The following TRPM3 variants were observed in gnomAD, a reference collection of about 807,000 sequenced individuals.
TRPM3 encodes the protein long transient receptor potential channel 3.
Under a neutral mutation model 181.2 loss-of-function variants are expected in TRPM3, and 77 were observed. The ratio of observed to expected loss-of-function variants is 0.42; its 90% CI spans 0.35 to 0.51. The LOEUF is 0.51. Ranked by LOEUF, TRPM3 falls within the 20% of genes least tolerant of loss-of-function variation. The pLI is 0.01. For synonymous variants in TRPM3, 745 were observed against 796.4 expected, an observed-to-expected ratio of 0.94 and a Z score of 1.09; for missense variants, 1,759 against 2,196.7, an observed-to-expected ratio of 0.80 and a Z score of 3.98.
intron 1 of TRPM3, among the ~76,000 whole-genome samples, chr9:71,384,132 T>C (rs895000985): frequency 1.3e-5 from 2 of 152,240 alleles, no homozygotes; most frequent in Non-Finnish European, 2.9e-5. Flanking sequence ...GATGTTCATA[T>C]ACATCAGAAA....
Position 70,790,667 on chromosome 9 carries a change from G to A in TRPM3, c.974-6388C>T, listed in dbSNP as rs142791072. Among the ~76,000 whole-genome samples, 32 of 152,276 alleles carry A rather than the reference G, an allele frequency of 2.1e-4. No homozygotes were observed. In the East Asian group the frequency reaches 4.2e-3, roughly 20 times the overall value. ...CTCTTTACAAATAGTTTCAGAATTC[G>A]ATTCTTGATATCTTTAACTAATGCA... is the stretch of plus-strand genomic sequence containing the variant. On this transcript the variant is annotated intron_variant, in intron 6 of 25. Coordinates refer to ENST00000677713, the MANE Select transcript of TRPM3 (RefSeq NM_001366145.2).
intron 7 of TRPM3, among the ~76,000 whole-genome samples, chr9:70,781,681 C>T (rs2130805529): frequency 6.6e-6 from 1 of 152,162 alleles, no homozygotes; most frequent in African/African-American, 2.4e-5. Context: ...GGCCTGGGAT[C>T]TTGGGCTGTG....
At chr9:71,303,617 C>T (rs1042954981) in intron 1 of TRPM3, among the ~76,000 whole-genome samples, 4 of 152,066 alleles carry the variant, frequency 2.6e-5, no homozygotes, top group Non-Finnish European at 5.9e-5. Flanking sequence ...ATATAAGCTC[C>T]CTGAGGGACA....
intron 8 of TRPM3, among the ~76,000 whole-genome samples, chr9:70,740,859 TTCTAGGA>T (rs2073918379): frequency 1.3e-5 from 2 of 152,164 alleles, no homozygotes; most frequent in African/African-American, 4.8e-5. Context: ...ACCACAACAG[TTCTAGGA>T]GATAACATCG....
chr9:70,628,818 TAAAAAA>T (rs10699305), intron 12 of TRPM3, among the ~76,000 whole-genome samples: 5 of 89,546 alleles, frequency 5.6e-5, no homozygotes, highest in East Asian at 4.6e-4. Context: ...GACTCTGTCT[TAAAAAA>T]AAAAAAAAAA....
intron 23 of TRPM3, 26 bp from the exon 24 acceptor site, chr9:70,553,069 A>G: frequency 6.2e-7 from 1 of 1,613,932 alleles, no homozygotes. Context: ...AAGAGAATCA[A>G]GTGAGAAAAA....
chr9:71,368,017 T>TACACACACACATATGAGTATGTGTAC (rs1389391953), intron 1 of TRPM3, among the ~76,000 whole-genome samples: 66 of 151,932 alleles, frequency 4.3e-4, no homozygotes, highest in African/African-American at 1.6e-3. Context: ...AGTGTATGTG[T>TACACACACACATATGAGTATGTGTAC]ACACACACAC....
intron 12 of TRPM3, among the ~76,000 whole-genome samples, chr9:70,634,536 T>C (rs1314111234): frequency 6.6e-6 from 1 of 152,184 alleles, no homozygotes; most frequent in African/African-American, 2.4e-5. Context: ...CTATTATTAT[T>C]TTATCATTAT....
chr9:70,772,863 A>G (rs981614316), intron 7 of TRPM3, among the ~76,000 whole-genome samples: 3 of 152,342 alleles, frequency 2.0e-5, no homozygotes, highest in East Asian at 3.9e-4. Context: ...TCTGCTGCCA[A>G]CATTGGAAGG....
intron 1 of TRPM3, among the ~76,000 whole-genome samples, chr9:71,340,417 G>A (rs748130222): frequency 1.3e-5 from 2 of 152,070 alleles, no homozygotes; most frequent in Non-Finnish European, 2.9e-5. Context: ...TTGTGGGAGG[G>A]ACACAGTGGA....
rs563786147 is a variant in TRPM3, at chr9:71,261,902, G to A, written c.183+184751C>T. Among the ~76,000 whole-genome samples the A allele has an allele frequency of 2.0e-5, 3 of 152,302 alleles. No homozygotes were observed. The South Asian group carries it at 6.2e-4, about 32-fold the overall frequency. ...CTTCATCCCAGAGGGGCACCTGCCA[G>A]ATGCCAGTGGGAGCTCTCATGTATG... On this transcript the variant is annotated intron_variant, in intron 1 of 24. Coordinates refer to the TRPM3 transcript ENST00000357533.
At chr9:70,605,303 C>A (rs2060849501) in intron 19 of TRPM3, among the ~76,000 whole-genome samples, 1 of 152,134 alleles carries the variant, frequency 6.6e-6, no homozygotes, top group African/African-American at 2.4e-5. Flanking sequence ...GACCCCATCA[C>A]ACTGACACAT....
At chr9:70,833,753 G>C (rs540315361) in intron 5 of TRPM3, among the ~76,000 whole-genome samples, 32 of 152,146 alleles carry the variant, frequency 2.1e-4, no homozygotes, top group Non-Finnish European at 4.7e-4. Flanking sequence ...CCTTCTAATA[G>C]CTGATCAGGT....
In TRPM3 at chr9:70,742,365, T is replaced by C. The variant is rs549634726; in HGVS notation, c.1272+19236A>G. Among the ~76,000 whole-genome samples, 5 of 152,264 alleles carry C rather than the reference T, an allele frequency of 3.3e-5. No homozygotes were observed. In the South Asian group the frequency reaches 1.0e-3, roughly 32 times the overall value. On this transcript the variant is annotated intron_variant, in intron 8 of 25. Coordinates refer to ENST00000677713, the MANE Select transcript of TRPM3 (RefSeq NM_001366145.2). The stretch of plus-strand genomic sequence containing the variant: ...GGATACATAATGATGTTTTGATATA[T>C]ATAATGTATAGTGATCAGATCAGGG...
intron 1 of TRPM3, among the ~76,000 whole-genome samples, chr9:71,071,227 A>T (rs1161257726): frequency 6.6e-6 from 1 of 152,138 alleles, no homozygotes; most frequent in Non-Finnish European, 1.5e-5. Context: ...CTTCCTTGGG[A>T]AAGAGGCCAC....
chr9:70,997,016 G>A (rs1027234207), intron 1 of TRPM3, among the ~76,000 whole-genome samples: 36 of 152,110 alleles, frequency 2.4e-4, no homozygotes, highest in Admixed American at 2.0e-3. Flanking sequence ...TTTGACCAAC[G>A]TCAGTATATT....
chr9:71,036,226 C>T (rs1036598304), intron 1 of TRPM3, among the ~76,000 whole-genome samples: 1 of 152,040 alleles, frequency 6.6e-6, no homozygotes. Flanking sequence ...TACCTTATTC[C>T]CTCATGGAAA....
At chr9:71,339,906 A>G (rs571967120) in intron 1 of TRPM3, among the ~76,000 whole-genome samples, 1 of 152,166 alleles carries the variant, frequency 6.6e-6, no homozygotes, top group Non-Finnish European at 1.5e-5. Flanking sequence ...GATTGTAGGT[A>G]AAGATGGAAT....
intron 9 of TRPM3, among the ~76,000 whole-genome samples, chr9:70,661,524 G>T (rs1211019949): frequency 6.6e-6 from 1 of 152,042 alleles, no homozygotes; most frequent in Non-Finnish European, 1.5e-5. Flanking sequence ...TTATATGATT[G>T]TATAGCTAGA....
Sources: allele counts gnomAD v4.1 joint callset (sites outside exome capture counted in the v4.1 genomes callset), GRCh38; gene constraint gnomAD v4.1.1; transcripts MANE v1.5; gene names NCBI Gene and HGNC (gene_info 2026-07-23, HGNC 2026-07-21).